PAXIP1: variants seen among roughly 807,000 people sequenced by gnomAD.
PAXIP1 encodes the protein PAX interacting protein 1.
In PAXIP1, 19 loss-of-function variants were observed where a neutral mutation model predicts 140.6. That is an observed-to-expected ratio of 0.14 (90% CI 0.09 to 0.20). PAXIP1 has a LOEUF of 0.20. Among genes scored for constraint, PAXIP1 ranks in the 10% least tolerant of loss-of-function variants. The pLI is 1.00. For missense variants in PAXIP1, 920 were observed against 1,208.6 expected, an observed-to-expected ratio of 0.76 and a Z score of 3.54; for synonymous variants, 442 against 444.6, an observed-to-expected ratio of 0.99 and a Z score of 0.07.
intron 1 of PAXIP1, chr7:155,002,103 A>T (rs1277933389): frequency 6.6e-6 from 1 of 152,380 alleles, no homozygotes. Context: ...CCACGGACTG[A>T]TAACTGTGTG....
chr7:154,987,716 T>C (rs1810138912), intron 4 of PAXIP1, among the ~76,000 whole-genome samples: 1 of 152,186 alleles, frequency 6.6e-6, no homozygotes, highest in South Asian at 2.1e-4. Flanking sequence ...ACTGAAACAA[T>C]GACATAATCT....
chr7:154,975,852 A>G lies in PAXIP1; in HGVS notation c.918T>C (p.Pro306=). Residue 306 remains proline (P), a synonymous_variant, in exon 6 of 21, where the codon CCT becomes CCC. Coordinates refer to ENST00000404141, the MANE Select transcript of PAXIP1 (RefSeq NM_007349.4). ...CAGCCATTAAATTACCCCGGACCTCAGGGGGCAAAATGTTACCTGGGACGG... is the reference window on the plus strand; with the variant it reads ...CAGCCATTAAATTACCCCGGACCTCGGGGGGCAAAATGTTACCTGGGACGG... ...VPPVPGNILP[P]EVRGNLMAAG... is the part of the protein sequence containing the mutation. The G allele has an allele frequency of 1.2e-6, 2 of 1,613,970 alleles. No homozygotes were observed. Among genetic ancestry groups the G allele is most frequent in the South Asian group, 1.1e-5 (1 of 91,086 alleles).
rs576373596 is a variant in PAXIP1 at position 154,958,872 on chromosome 7, A to C, written c.2478+1018T>G. On this transcript the variant is annotated intron_variant, in intron 13 of 20. Transcript: ENST00000404141. ...CATAAAATTCCTTTCAGCTAAAAGAACTGTGAGAATATTTGCTTTTGCTGA... is the reference window on the plus strand; with the variant it reads ...CATAAAATTCCTTTCAGCTAAAAGACCTGTGAGAATATTTGCTTTTGCTGA... Among the ~76,000 whole-genome samples the C allele has an allele frequency of 2.0e-4, 30 of 152,360 alleles. No individual in the cohort carries two copies. The South Asian group carries it at 6.2e-3, about 32-fold the overall frequency.
Position 154,986,307 on chromosome 7 carries a change from G to T in PAXIP1, c.325-2975C>A. 2.1e-6 allele frequency: 1 copy of T among 483,576 alleles called. No individual in the cohort carries two copies. Among genetic ancestry groups the T allele is most frequent in the Non-Finnish European group, 3.4e-6 (1 of 293,482 alleles). 30.0% of individuals were successfully genotyped at this position (483,576 alleles called of 1,614,324 possible). On this transcript the variant is annotated intron_variant, in intron 4 of 20. Transcript: ENST00000404141. This position sits in a 1 kb window ranked among gnomAD's most constrained non-coding sequence, Gnocchi z 4.8. ...GGGTGCTCCAGTGTGCAGAAAAGGT[G>T]CAGATCCCTCTGACAGTCTCCAATC...
intron 20 of PAXIP1, chr7:154,945,276 C>T (rs778349844): frequency 9.0e-5 from 14 of 155,278 alleles, no homozygotes; most frequent in Non-Finnish European, 1.3e-4. Flanking sequence ...CCACCACGTC[C>T]GGCCAAATTT....
At chr7:154,993,866 A>T (rs888120975) in intron 2 of PAXIP1, 97 bp from the exon 3 acceptor site, 1 of 859,384 alleles carries the variant, frequency 1.2e-6, no homozygotes, top group African/African-American at 1.7e-5. Context: ...TCTCTGTTAC[A>T]ACCTATTTTA....
chr7:154,987,090 T>G (rs1810107450), intron 4 of PAXIP1, among the ~76,000 whole-genome samples: 1 of 152,210 alleles, frequency 6.6e-6, no homozygotes. Flanking sequence ...AGCAGTCTGC[T>G]CACCTAGTTG....
intron 8 of PAXIP1, 152 bp downstream of exon 8, chr7:154,967,664 A>G: frequency 1.7e-6 from 1 of 585,244 alleles, no homozygotes. Flanking sequence ...GCTGTGCCTC[A>G]GGTCACACAG....
intron 1 of PAXIP1, chr7:155,002,055 T>C (rs920553199): frequency 6.6e-6 from 1 of 152,232 alleles, no homozygotes; most frequent in Admixed American, 6.5e-5. Flanking sequence ...ATTTTGAAGA[T>C]TAACCTGAAG....
intron 4 of PAXIP1, among the ~76,000 whole-genome samples, chr7:154,988,600 C>CTT (rs1195937864): frequency 6.6e-6 from 1 of 152,164 alleles, no homozygotes; most frequent in East Asian, 1.9e-4. Flanking sequence ...TACTCACATA[C>CTT]TTTTGATTTT....
At chr7:154,968,291 T>C in intron 7 of PAXIP1, 112 bp downstream of exon 7, 2 of 831,990 alleles carry the variant, frequency 2.4e-6, no homozygotes, top group Middle Eastern at 3.0e-4. Context: ...ACACTCTCCA[T>C]TTTGTAGTAA....
rs755235468 is a variant in PAXIP1 at position 154,969,034 on chromosome 7, A to G, written c.1167T>C (p.Phe389=). The change falls in exon 7 of 21, where the codon TTT becomes TTC. Residue 389 remains phenylalanine, a synonymous_variant. Coordinates refer to ENST00000404141, the MANE Select transcript of PAXIP1 (RefSeq NM_007349.4). ...QGHTNANAVL[F]SQVKVTPETH... ...TCTCTGGAGTCACTTTCACTTGGCT[A>G]AACAGCACTGCATTGGCATTTGTAT... The G allele has an allele frequency of 8.4e-6, 13 of 1,548,554 alleles. No homozygotes were observed. The African/African-American group carries it at 1.4e-4, about 16-fold the overall frequency.
Position 154,976,190 on chromosome 7 carries a change from C to T in PAXIP1, c.580G>A (p.Glu194Lys). The T allele has an allele frequency of 6.2e-7, 1 of 1,610,392 alleles. No individual in the cohort carries two copies. The highest frequency in any genetic ancestry group is 8.5e-7 in the Non-Finnish European group (1 of 1,177,694). Residue 194 changes from glutamate (E) to lysine (K), a missense_variant, in exon 6 of 21, where the codon GAA becomes AAA. By Grantham distance (56) the Glu-to-Lys change is moderately conservative. Coordinates refer to ENST00000404141, the MANE Select transcript of PAXIP1 (RefSeq NM_007349.4). ...TCTACTTCCTCCTCCTCTTCCTCTT[C>T]CTCTTCTTCCTCTTCATAAATAATC... ...RLIIYEEEEE[E>K]EEEEEEVENE...
chr7:155,002,937 G>A lies in PAXIP1; in HGVS notation c.-8C>T. ...GGGCGCCTGGTCCGACATGATCGCGGCGGCCCGGGAGGCTCCGCGGCGGCG... is the reference window on the plus strand; with the variant it reads ...GGGCGCCTGGTCCGACATGATCGCGACGGCCCGGGAGGCTCCGCGGCGGCG... On this transcript the variant is annotated 5_prime_UTR_variant, in exon 1 of 21. Transcript: ENST00000404141. 6 of 1,294,524 alleles carry A rather than the reference G, an allele frequency of 4.6e-6. No homozygotes were observed. Among genetic ancestry groups the A allele is most frequent in the Non-Finnish European group, 6.0e-6 (6 of 995,744 alleles). The allele number at this position is 1,294,524 out of a possible 1,614,324, so 80.2% of individuals were successfully genotyped here.
intron 6 of PAXIP1, 101 bp from the exon 7 acceptor site, chr7:154,969,227 A>C: frequency 8.1e-7 from 1 of 1,240,816 alleles, no homozygotes. Flanking sequence ...TATTAACAAT[A>C]TTCAACTAAG....
At chr7:154,967,103 G>A (rs35505514) in intron 8 of PAXIP1, among the ~76,000 whole-genome samples, 5,247 of 152,236 alleles carry the variant, frequency 0.034, 129 homozygotes, top group Middle Eastern at 0.058. Context: ...GCCTGCATTT[G>A]CCACCCCACC....
chr7:154,980,737 T>C (rs1809802464), intron 5 of PAXIP1, among the ~76,000 whole-genome samples: 1 of 152,208 alleles, frequency 6.6e-6, no homozygotes, highest in African/African-American at 2.4e-5. Context: ...ACTACTTCAT[T>C]GTCTTCTAGG....
At position 154,975,973 on chromosome 7, in the gene PAXIP1, C is replaced by T. The variant is rs1058833; in HGVS notation, c.797G>A (p.Trp266Ter). The stretch of plus-strand genomic sequence containing the variant: ...TAACTGTGGGACTTCGGCCGGGGTC[C>T]AGTTTAAATTTCTCTCCTGTTTTTC... ...SPEKQERNLN[W>*]TPAEVPQLAA... Residue 266 changes from tryptophan to a stop codon, truncating the protein, a stop_gained, in exon 6 of 21, where the codon TGG becomes TAG. Coordinates refer to ENST00000404141, the MANE Select transcript of PAXIP1 (RefSeq NM_007349.4). LOFTEE classifies it high-confidence loss of function. 1 of 1,613,762 alleles carries T rather than the reference C, an allele frequency of 6.2e-7. No homozygotes were observed. Among genetic ancestry groups the T allele is most frequent in the Non-Finnish European group, 8.5e-7 (1 of 1,179,770 alleles).
At chr7:154,984,723 T>A (rs1282594519) in intron 4 of PAXIP1, among the ~76,000 whole-genome samples, 1 of 152,182 alleles carries the variant, frequency 6.6e-6, no homozygotes, top group Non-Finnish European at 1.5e-5. Context: ...CATTGGAGAG[T>A]TGAGATTTAA....
Sources: gnomAD v4.1 joint callset for allele counts (sites outside exome capture counted in the v4.1 genomes callset) on GRCh38, gnomAD v4.1.1 for gene constraint, Gnocchi (gnomAD v3.1) non-coding constraint, MANE v1.5 for transcripts, NCBI Gene and HGNC (gene_info 2026-07-23, HGNC 2026-07-21) for gene names.